NRP1: variants seen among roughly 807,000 people sequenced by gnomAD.
The protein encoded by NRP1 is neuropilin-1.
In NRP1, 35 loss-of-function variants were observed where a neutral mutation model predicts 106.7. That is an observed-to-expected ratio of 0.33 (90% CI 0.25 to 0.43). The LOEUF is 0.43. NRP1 is among the 20% of genes least tolerant of loss of function. NRP1 has a pLI of 1.00. For synonymous variants in NRP1, 437 were observed against 417.9 expected (o/e 1.05, Z -0.56); for missense variants, 1,024 against 1,170.4 (o/e 0.87, Z 1.83).
intron 2 of NRP1, among the ~76,000 whole-genome samples, chr10:33,292,930 G>A (rs1284943911): frequency 6.6e-6 from 1 of 151,470 alleles, no homozygotes; most frequent in East Asian, 1.9e-4. Context: ...AGGTTGCAGT[G>A]AGCCGAGATC....
At chr10:33,207,504 A>C (rs1205031867) in intron 10 of NRP1, 68 bp downstream of exon 10, 1 of 1,572,626 alleles carries the variant, frequency 6.4e-7, no homozygotes, top group Non-Finnish European at 8.7e-7. Context: ...AGGCACCATC[A>C]GGGGCATAAA....
intron 2 of NRP1, among the ~76,000 whole-genome samples, chr10:33,321,470 T>C (rs1377895625): frequency 2.0e-5 from 3 of 152,192 alleles, no homozygotes; most frequent in African/African-American, 4.8e-5. Context: ...CAGCCTAATC[T>C]CTTATCAGAC....
At chr10:33,310,092 C>T (rs1206865177) in intron 2 of NRP1, among the ~76,000 whole-genome samples, 2 of 149,212 alleles carry the variant, frequency 1.3e-5, no homozygotes, top group Non-Finnish European at 3.0e-5. Flanking sequence ...GGACTACAGA[C>T]GCCCGCCACC....
chr10:33,253,934 G>A, intron 6 of NRP1, 94 bp downstream of exon 6: 1 of 1,117,856 alleles, frequency 8.9e-7, no homozygotes, highest in Non-Finnish European at 1.3e-6. Flanking sequence ...TCTCATTGGA[G>A]GCCATTTGGC....
chr10:33,302,224 C>A (rs1845851604), intron 2 of NRP1, among the ~76,000 whole-genome samples: 1 of 152,188 alleles, frequency 6.6e-6, no homozygotes. Flanking sequence ...TTATCCCCTA[C>A]CCCACCCAAC....
At chr10:33,298,071 A>G (rs901301629) in intron 2 of NRP1, among the ~76,000 whole-genome samples, 1 of 152,222 alleles carries the variant, frequency 6.6e-6, no homozygotes, top group Non-Finnish European at 1.5e-5. Flanking sequence ...ACATGTTTGT[A>G]TGGAGCCAAG....
intron 2 of NRP1, among the ~76,000 whole-genome samples, chr10:33,329,173 C>G (rs1333065377): frequency 6.6e-6 from 1 of 152,122 alleles, no homozygotes; most frequent in African/African-American, 2.4e-5. Context: ...CTCTTTGTTT[C>G]CAAGCAGTCA....
At chr10:33,269,245 AC>A (rs1843127379) in intron 3 of NRP1, among the ~76,000 whole-genome samples, 1 of 152,210 alleles carries the variant, frequency 6.6e-6, no homozygotes, top group Non-Finnish European at 1.5e-5. Context: ...AACAGTGGCA[AC>A]CAGATAAAGT....
At chr10:33,274,980 A>G (rs536014456) in intron 2 of NRP1, among the ~76,000 whole-genome samples, 1 of 152,310 alleles carries the variant, frequency 6.6e-6, no homozygotes, top group African/African-American at 2.4e-5. Flanking sequence ...GCTGCCGTCC[A>G]AGAATTAACT....
intron 13 of NRP1, among the ~76,000 whole-genome samples, chr10:33,187,324 T>TA (rs1176180728): frequency 6.6e-6 from 1 of 152,258 alleles, no homozygotes; most frequent in Non-Finnish European, 1.5e-5. Context: ...GACTGCTTGA[T>TA]AATCATAAAC....
chr10:33,228,639 C>T (rs571065480), intron 6 of NRP1, among the ~76,000 whole-genome samples: 1 of 152,272 alleles, frequency 6.6e-6, no homozygotes, highest in African/African-American at 2.4e-5. Context: ...ATGTTGTCTA[C>T]ATCCAGGAAA....
intron 6 of NRP1, among the ~76,000 whole-genome samples, chr10:33,232,835 A>C (rs987368067): frequency 6.6e-6 from 1 of 150,930 alleles, no homozygotes; most frequent in Non-Finnish European, 1.5e-5. Context: ...TTTAGTAGAG[A>C]TGGGGTTTCA....
chr10:33,321,646 A>G (rs1380088473), intron 2 of NRP1, among the ~76,000 whole-genome samples: 1 of 152,154 alleles, frequency 6.6e-6, no homozygotes, highest in African/African-American at 2.4e-5. Context: ...AATTCTTTCC[A>G]TGCCACTTCC....
At chr10:33,227,973 T>TC (rs397963692) in intron 6 of NRP1, among the ~76,000 whole-genome samples, 3 of 151,984 alleles carry the variant, frequency 2.0e-5, no homozygotes, top group Admixed American at 6.6e-5. Flanking sequence ...GGTTTTTTTT[T>TC]CTTTAACTCT....
At chr10:33,186,114 A>G (rs533049571) in intron 14 of NRP1, 103 bp downstream of exon 14, 8 of 1,412,070 alleles carry the variant, frequency 5.7e-6, no homozygotes, top group South Asian at 1.4e-5. Context: ...AACACTGGAA[A>G]TAATTTCGGA....
intron 2 of NRP1, among the ~76,000 whole-genome samples, chr10:33,323,356 A>G (rs1285291167): frequency 6.6e-6 from 1 of 152,228 alleles, no homozygotes. Flanking sequence ...CCTGGGCTTG[A>G]TGAGGAGGAA....
intron 9 of NRP1, among the ~76,000 whole-genome samples, chr10:33,208,318 G>A (rs1564382701): frequency 6.6e-6 from 1 of 152,198 alleles, no homozygotes; most frequent in Non-Finnish European, 1.5e-5. Context: ...CTCTCCAAGT[G>A]CTGGGATTAC....
intron 15 of NRP1, among the ~76,000 whole-genome samples, chr10:33,184,055 A>G (rs541455399): frequency 7.9e-5 from 12 of 151,760 alleles, no homozygotes; most frequent in African/African-American, 2.9e-4. Flanking sequence ...TCTGTGGCCT[A>G]GGCTGGAGTG....
intron 6 of NRP1, among the ~76,000 whole-genome samples, chr10:33,252,109 G>T (rs941620454): frequency 1.3e-5 from 2 of 152,066 alleles, no homozygotes; most frequent in Non-Finnish European, 2.9e-5. Context: ...GAACACATTG[G>T]GGGAAGAAGG....
Sources: gnomAD v4.1 joint callset for allele counts (sites outside exome capture counted in the v4.1 genomes callset) on GRCh38, gnomAD v4.1.1 for gene constraint, MANE v1.5 for transcripts, NCBI Gene and HGNC (gene_info 2026-07-23, HGNC 2026-07-21) for gene names.